Variants in HYDIN observed in about 807,000 individuals in gnomAD.
HYDIN encodes the protein HYDIN axonemal central pair apparatus protein, also known as axonemal central pair apparatus protein HYDIN.
HYDIN carries 132 observed loss-of-function variants against 403.9 expected under a neutral mutation model. The ratio of observed to expected loss-of-function variants is 0.33; its 90% CI spans 0.28 to 0.38. HYDIN has a LOEUF of 0.38. HYDIN is among the 10% of genes least tolerant of loss of function. The probability of loss-of-function intolerance (pLI) is 1.00; values close to 1 mark genes in which losing one functional copy is unlikely to be tolerated. For missense variants in HYDIN, 2,827 were observed against 5,009.5 expected, an observed-to-expected ratio of 0.56 and a Z score of 13.15; for synonymous variants, 1,202 against 1,891.7, an observed-to-expected ratio of 0.64 and a Z score of 9.46.
intron 23 of HYDIN, among the ~76,000 whole-genome samples, chr16:70,997,226 C>T (rs370017323): frequency 7.6e-4 from 104 of 136,730 alleles, no homozygotes; most frequent in Admixed American, 3.3e-3. Flanking sequence ...GATGAAGCTT[C>T]GCTTGCTCAC....
intron 10 of HYDIN, among the ~76,000 whole-genome samples, chr16:71,111,436 T>G (rs112444381): frequency 6.6e-6 from 1 of 152,344 alleles, no homozygotes; most frequent in African/African-American, 2.4e-5. Context: ...GCAAAATGCT[T>G]TCTTGAACCT....
At chr16:71,114,257 G>T (rs1050641157) in intron 10 of HYDIN, among the ~76,000 whole-genome samples, 1 of 151,600 alleles carries the variant, frequency 6.6e-6, no homozygotes, top group Admixed American at 6.6e-5. Flanking sequence ...AATGATGATT[G>T]CCAAGTAGTA....
At chr16:71,211,808 T>C (rs1221656368) in intron 1 of HYDIN, among the ~76,000 whole-genome samples, 3 of 151,592 alleles carry the variant, frequency 2.0e-5, no homozygotes. Flanking sequence ...TTGCAGAAAC[T>C]AAAGATAGCA....
At chr16:70,850,078 C>A in intron 74 of HYDIN, 131 bp from the exon 75 acceptor site, 1 of 620,734 alleles carries the variant, frequency 1.6e-6, no homozygotes, top group Admixed American at 2.6e-5. Flanking sequence ...ATTTGACTAT[C>A]TTTAGCTTAA....
At chr16:70,916,906 C>A (rs2076858196) in intron 47 of HYDIN, among the ~76,000 whole-genome samples, 1 of 151,190 alleles carries the variant, frequency 6.6e-6, no homozygotes, top group African/African-American at 2.4e-5. Flanking sequence ...CCCTCTCTCT[C>A]TTCTATTCCT....
intron 18 of HYDIN, among the ~76,000 whole-genome samples, chr16:71,039,984 G>C (rs1357571722): frequency 6.6e-6 from 1 of 152,052 alleles, no homozygotes; most frequent in Non-Finnish European, 1.5e-5. Context: ...ACACCCTCTG[G>C]GGCTTCAGGG....
intron 47 of HYDIN, among the ~76,000 whole-genome samples, chr16:70,909,684 A>G (rs1476229928): frequency 1.7e-5 from 2 of 120,848 alleles, no homozygotes; most frequent in East Asian, 2.5e-4. Context: ...TGTCTCAGGC[A>G]TGTCTTTTTT....
Position 70,970,595 on chromosome 16 carries a change from T to C in HYDIN, c.5544A>G (p.Ile1848Met). The C allele has an allele frequency of 7.4e-7, 1 of 1,358,424 alleles. No homozygotes were observed. Among genetic ancestry groups the C allele is most frequent in the African/African-American group, 1.4e-5 (1 of 69,858 alleles). 84.1% of individuals were successfully genotyped at this position (1,358,424 alleles called of 1,614,324 possible). The change falls in exon 36 of 86, where the codon ATA becomes ATG. Residue 1848 changes from isoleucine to methionine, a missense_variant. Ile to Met is a conservative substitution (Grantham distance 10). Transcript: ENST00000393567. Reference protein sequence around the residue: ...LCAPGDEAEVIVKNPCNFPIE... With the variant: ...LCAPGDEAEVMVKNPCNFPIE... ...TGGGGAAGTTGCAGGGATTCTTCAC[T>C]ATCACCTCGGCCTCGTCTCCAGGTG...
At chr16:70,981,867 G>A (rs1410790850) in intron 28 of HYDIN, among the ~76,000 whole-genome samples, 5 of 152,016 alleles carry the variant, frequency 3.3e-5, no homozygotes, top group East Asian at 3.9e-4. Flanking sequence ...GGTGGCTCAC[G>A]CCTGTAATCC....
intron 12 of HYDIN, among the ~76,000 whole-genome samples, chr16:71,083,649 T>C (rs1486827480): frequency 6.6e-6 from 1 of 151,078 alleles, no homozygotes; most frequent in African/African-American, 2.4e-5. Flanking sequence ...CAGTTACTTA[T>C]GGTCAACACG....
chr16:71,151,561 A>G (rs1597892262), intron 7 of HYDIN, among the ~76,000 whole-genome samples: 1 of 152,188 alleles, frequency 6.6e-6, no homozygotes, highest in South Asian at 2.1e-4. Flanking sequence ...GTTAGGTTGG[A>G]TTTCCATCTG....
At chr16:70,934,308 G>A (rs1035642364) in intron 45 of HYDIN, among the ~76,000 whole-genome samples, 19 of 152,184 alleles carry the variant, frequency 1.2e-4, no homozygotes, top group Non-Finnish European at 2.1e-4. Context: ...GGTGCTTGTC[G>A]GGGGCACCAG....
At chr16:71,213,673 A>G (rs2088714965) in intron 1 of HYDIN, among the ~76,000 whole-genome samples, 2 of 152,164 alleles carry the variant, frequency 1.3e-5, no homozygotes, top group Non-Finnish European at 2.9e-5. Flanking sequence ...AACATTCAAC[A>G]AAAATTATAT....
At chr16:71,216,015 T>C (rs570552784) in intron 1 of HYDIN, among the ~76,000 whole-genome samples, 1 of 152,276 alleles carries the variant, frequency 6.6e-6, no homozygotes, top group South Asian at 2.1e-4. Flanking sequence ...GCCAAGCACT[T>C]GCTGGTCGGG....
rs2087474639 is a variant in HYDIN at position 71,192,291 on chromosome 16, C to CAACACTTAA, written c.-23-5374_-23-5373insTTAAGTGTT. ...TCGTTAATGTCACTACCACATCTTG[C>CAACACTTAA]CTGGGTAACTGCAACACTTAACTGA... On this transcript the variant is annotated intron_variant, in intron 1 of 85. Transcript: ENST00000393567. Among the ~76,000 whole-genome samples the CAACACTTAA allele has an allele frequency of 2.0e-5, 3 of 152,254 alleles. No homozygotes were observed. The East Asian group carries it at 5.8e-4, about 29-fold the overall frequency.
intron 60 of HYDIN, 59 bp from the exon 61 acceptor site, chr16:70,879,815 C>G: frequency 1.6e-6 from 1 of 638,502 alleles, no homozygotes; most frequent in Non-Finnish European, 2.6e-6. Flanking sequence ...ACCAGGCTTA[C>G]TCCTTATTTT....
intron 23 of HYDIN, among the ~76,000 whole-genome samples, chr16:71,004,959 A>T: frequency 6.6e-6 from 1 of 152,142 alleles, no homozygotes; most frequent in African/African-American, 2.4e-5. Context: ...TTTTTCTAAG[A>T]ATTTGTCCAT....
intron 1 of HYDIN, among the ~76,000 whole-genome samples, chr16:71,217,614 T>A (rs745609692): frequency 6.6e-6 from 1 of 152,210 alleles, no homozygotes; most frequent in Non-Finnish European, 1.5e-5. Context: ...ACCTGACCTA[T>A]GGAGCCGAGC....
At chr16:71,094,640 A>G (rs1054772926) in intron 10 of HYDIN, among the ~76,000 whole-genome samples, 1 of 152,294 alleles carries the variant, frequency 6.6e-6, no homozygotes, top group Admixed American at 6.5e-5. Context: ...TGTATTGAGG[A>G]AGTGTCAGCA....
Sources: allele counts gnomAD v4.1 joint callset (sites outside exome capture counted in the v4.1 genomes callset), GRCh38; gene constraint gnomAD v4.1.1; transcripts MANE v1.5; gene names NCBI Gene and HGNC (gene_info 2026-07-23, HGNC 2026-07-21).